Variants in C16orf87 observed in about 807,000 individuals in gnomAD.
C16orf87 encodes HDAC and MIER1 interacting protein 1.
A neutral mutation model predicts 21.0 loss-of-function variants in C16orf87; 13 were observed. The observed-to-expected ratio is 0.62, with a 90% CI of 0.40 to 0.98. The LOEUF (loss-of-function observed/expected upper bound fraction) is 0.98, where lower values mean the gene tolerates loss of function less well. C16orf87 is among the 50% of genes least tolerant of loss of function. C16orf87 has a pLI of 0.00. For missense variants in C16orf87, 113 were observed against 180.4 expected, an observed-to-expected ratio of 0.63 and a Z score of 2.14; for synonymous variants, 49 against 60.2, an observed-to-expected ratio of 0.81 and a Z score of 0.86.
At chr16:46,813,899 T>C (rs1968169805) in intron 2 of C16orf87, among the ~76,000 whole-genome samples, 1 of 152,226 alleles carries the variant, frequency 6.6e-6, no homozygotes, top group African/African-American at 2.4e-5. Flanking sequence ...CATCAAAATA[T>C]AGGCTTTATG....
At chr16:46,808,470 A>T (rs1967990442) in intron 3 of C16orf87, among the ~76,000 whole-genome samples, 1 of 152,234 alleles carries the variant, frequency 6.6e-6, no homozygotes, top group Non-Finnish European at 1.5e-5. Context: ...TTTATACAAA[A>T]AGCACTTGAG....
At chr16:46,815,947 C>T (rs1470116937) in intron 2 of C16orf87, among the ~76,000 whole-genome samples, 1 of 152,100 alleles carries the variant, frequency 6.6e-6, no homozygotes, top group Non-Finnish European at 1.5e-5. Flanking sequence ...ATTTGTATAC[C>T]ATGCAGCATT....
chr16:46,831,037 C>G (rs1173163826), intron 1 of C16orf87, 47 bp downstream of exon 1: 4 of 1,497,008 alleles, frequency 2.7e-6, no homozygotes, highest in Non-Finnish European at 3.6e-6. Context: ...AGACAACGGC[C>G]GCCAAGCCAC....
At chr16:46,807,945 G>A in intron 3 of C16orf87, 3 of 443,464 alleles carry the variant, frequency 6.8e-6, no homozygotes, top group South Asian at 4.8e-5. Context: ...GTCATTATCT[G>A]CTTTCTCATC....
At chr16:46,819,971 G>A (rs950564346) in intron 2 of C16orf87, among the ~76,000 whole-genome samples, 2 of 151,418 alleles carry the variant, frequency 1.3e-5, no homozygotes, top group East Asian at 1.9e-4. Context: ...AAACAAGAGC[G>A]AGACTCCATC....
rs780945065 is a variant in C16orf87, at chr16:46,809,800, A to C, written c.164-15T>G. 7.7e-6 allele frequency: 12 copies of C among 1,560,304 alleles called. No individual in the cohort carries two copies. In the Admixed American group the frequency reaches 2.1e-4, roughly 28 times the overall value. On this transcript the variant is annotated splice_polypyrimidine_tract_variant and intron_variant, in intron 2 of 3. Transcript: ENST00000285697. The stretch of plus-strand genomic sequence containing the variant: ...ATGCTTGTTTTCTGTATGGATGAAT[A>C]AAAGTGATATATTTTAGGGCTTAGC...
rs1203941206 is a variant in C16orf87, at chr16:46,800,230, G to T, written c.*2722C>A. ...AAATTTAAAGAAATAAGAATAGACT[G>T]GCTAAATTTTCAGGTCATTTGCAAT... On this transcript the variant is annotated 3_prime_UTR_variant, in exon 4 of 4. Coordinates refer to ENST00000285697, the MANE Select transcript of C16orf87 (RefSeq NM_001001436.4). 6.6e-6 allele frequency: 1 copy of T among 150,434 alleles called. No individual in the cohort carries two copies. Among genetic ancestry groups the T allele is most frequent in the African/African-American group, 2.5e-5 (1 of 40,766 alleles). The allele number at this position is 150,434 out of a possible 1,614,324, so 9.3% of individuals were successfully genotyped here. A position where few individuals can be genotyped will look rare whatever the true frequency, so the allele number is the denominator to read the frequency against.
At chr16:46,806,533 A>G (rs1052223929) in intron 3 of C16orf87, among the ~76,000 whole-genome samples, 9 of 152,188 alleles carry the variant, frequency 5.9e-5, no homozygotes, top group African/African-American at 2.2e-4. Context: ...TGCTGGGATT[A>G]CAGGCGTGAG....
At position 46,824,489 on chromosome 16, in the gene C16orf87, G is replaced by C; in HGVS notation, c.67-7C>G. The C allele has an allele frequency of 8.0e-7, 1 of 1,250,428 alleles. No homozygotes were observed. Among genetic ancestry groups the C allele is most frequent in the Non-Finnish European group, 1.1e-6 (1 of 884,176 alleles). 77.5% of individuals were successfully genotyped at this position (1,250,428 alleles called of 1,614,324 possible). A position where few individuals can be genotyped will look rare whatever the true frequency, so the allele number is the denominator to read the frequency against. ...ATTTACATGCAACAGGAACCTGTAGGAAAAAAAGAAAAATATATATTATTA... is the reference window on the plus strand; with the variant it reads ...ATTTACATGCAACAGGAACCTGTAGCAAAAAAAGAAAAATATATATTATTA... On this transcript the variant is annotated splice_region_variant and splice_polypyrimidine_tract_variant and intron_variant, in intron 1 of 3. Transcript: ENST00000285697.
intron 2 of C16orf87, among the ~76,000 whole-genome samples, chr16:46,821,582 A>C (rs1308769612): frequency 6.6e-6 from 1 of 152,232 alleles, no homozygotes; most frequent in Non-Finnish European, 1.5e-5. Flanking sequence ...CAAATACAAA[A>C]TAATAATGAA....
At chr16:46,812,876 A>G (rs1475665058) in intron 2 of C16orf87, among the ~76,000 whole-genome samples, 1 of 152,174 alleles carries the variant, frequency 6.6e-6, no homozygotes, top group Non-Finnish European at 1.5e-5. Flanking sequence ...ATCTTACACC[A>G]TCTCTCAAAA....
intron 2 of C16orf87, among the ~76,000 whole-genome samples, chr16:46,820,573 T>C (rs890501454): frequency 6.6e-6 from 1 of 152,230 alleles, no homozygotes; most frequent in Non-Finnish European, 1.5e-5. Context: ...AAAGATAATT[T>C]AGCTACTTAA....
intron 1 of C16orf87, among the ~76,000 whole-genome samples, chr16:46,827,927 G>A (rs1596830895): frequency 6.9e-6 from 1 of 145,920 alleles, no homozygotes; most frequent in South Asian, 2.2e-4. Flanking sequence ...GTCCTATAGT[G>A]TTTCACTGAT....
chr16:46,815,270 C>A (rs1356355438), intron 2 of C16orf87, among the ~76,000 whole-genome samples: 18 of 151,696 alleles, frequency 1.2e-4, no homozygotes, highest in Admixed American at 1.2e-3. Flanking sequence ...AATATAACCA[C>A]TAAAACCATA....
At position 46,824,548 on chromosome 16, in the gene C16orf87, T is replaced by C. The variant is rs1297162344; in HGVS notation, c.67-66A>G. ...CTATTGTTAAATTTCTCAGTGTCTA[T>C]GTGGTCTCCTCAAATGAATGATAAA... On this transcript the variant is annotated intron_variant, in intron 1 of 3. Coordinates refer to ENST00000285697, the MANE Select transcript of C16orf87 (RefSeq NM_001001436.4). The C allele has an allele frequency of 6.1e-6, 4 of 651,840 alleles. No homozygotes were observed. The Admixed American group carries it at 1.3e-4, about 21-fold the overall frequency. 40.4% of individuals were successfully genotyped at this position (651,840 alleles called of 1,614,324 possible). A position where few individuals can be genotyped will look rare whatever the true frequency, so the allele number is the denominator to read the frequency against.
chr16:46,809,583 A>G lies in C16orf87; in HGVS notation c.346+20T>C. The stretch of plus-strand genomic sequence containing the variant: ...GATCAATTTAATACTTGAAAAAAAA[A>G]CTGCTTGATTTGTTCATACCTCTTT... On this transcript the variant is annotated intron_variant, in intron 3 of 3. Transcript: ENST00000285697. 2 of 1,573,474 alleles carry G rather than the reference A, an allele frequency of 1.3e-6. No individual in the cohort carries two copies. The highest frequency in any genetic ancestry group is 1.7e-6 in the Non-Finnish European group (2 of 1,156,478).
chr16:46,830,674 G>T (rs1170599661), intron 1 of C16orf87: 1 of 165,126 alleles, frequency 6.1e-6, no homozygotes, highest in Non-Finnish European at 1.3e-5. Flanking sequence ...GCCGCAGGAG[G>T]GGTTCTCGGA....
At chr16:46,804,003 T>A (rs1197495842) in intron 3 of C16orf87, among the ~76,000 whole-genome samples, 1 of 152,204 alleles carries the variant, frequency 6.6e-6, no homozygotes, top group African/African-American at 2.4e-5. Context: ...TTTAGTAACA[T>A]CAGTTTTCAG....
chr16:46,824,629 A>G, intron 1 of C16orf87, 147 bp from the exon 2 acceptor site: 1 of 421,036 alleles, frequency 2.4e-6, no homozygotes, highest in Non-Finnish European at 4.2e-6. Flanking sequence ...ACAACAAATT[A>G]TCTGAGATGA....
Sources: gnomAD v4.1 joint callset for allele counts (sites outside exome capture counted in the v4.1 genomes callset) on GRCh38, gnomAD v4.1.1 for gene constraint, MANE v1.5 for transcripts, NCBI Gene and HGNC (gene_info 2026-07-23, HGNC 2026-07-21) for gene names.